Variants in DHRS12 observed in about 807,000 individuals in gnomAD.
DHRS12 encodes the protein dehydrogenase/reductase 12.
Under a neutral mutation model 32.1 loss-of-function variants are expected in DHRS12, and 29 were observed. That is an observed-to-expected ratio of 0.90 (90% confidence interval 0.67 to 1.23). The LOEUF is 1.23. Ranked by LOEUF, DHRS12 falls within the 50% of genes most tolerant of loss-of-function variation. The pLI is 0.00. For synonymous variants in DHRS12, 150 were observed against 135.9 expected, an observed-to-expected ratio of 1.10 and a Z score of -0.72; for missense variants, 330 against 337.2, an observed-to-expected ratio of 0.98 and a Z score of 0.17.
the DHRS12 span, chr13:51,759,963 G>A: frequency 3.7e-6 from 2 of 539,310 alleles, no homozygotes; most frequent in Non-Finnish European, 6.7e-6. Context: ...CTTCCAACTT[G>A]TTCATACAAT....
intron 4 of DHRS12, among the ~76,000 whole-genome samples, chr13:51,787,875 A>AT (rs1555270965): frequency 1.5e-5 from 2 of 131,580 alleles, no homozygotes; most frequent in African/African-American, 2.9e-5. Flanking sequence ...ATAAATATAT[A>AT]ATTATATATA....
chr13:51,770,738 G>T (rs972484255), intron 7 of DHRS12: 17 of 999,510 alleles, frequency 1.7e-5, no homozygotes, highest in Non-Finnish European at 1.9e-5. Context: ...TTTCTATAGG[G>T]GTGTGGTAGT....
rs1399721950 is a variant in DHRS12, at chr13:51,774,046, G to T, written c.364-12C>A. 1.9e-6 allele frequency: 3 copies of T among 1,611,406 alleles called. No individual in the cohort carries two copies. Among genetic ancestry groups the T allele is most frequent in the Non-Finnish European group, 2.5e-6 (3 of 1,177,712 alleles). ...GAGGAGACGGTTATCTGCAATAAAG[G>T]TAACAGAGATTTACAAACTAAAGCC... On this transcript the variant is annotated splice_polypyrimidine_tract_variant and intron_variant, in intron 5 of 8. Transcript: ENST00000444610.
the DHRS12 span, chr13:51,759,774 T>C: frequency 6.2e-7 from 1 of 1,613,762 alleles, no homozygotes; most frequent in South Asian, 1.1e-5. Flanking sequence ...TCTTGATGAC[T>C]CTCCCAGGAA....
intron 1 of DHRS12, among the ~76,000 whole-genome samples, chr13:51,799,985 C>T (rs1566311096): frequency 6.6e-6 from 1 of 152,214 alleles, no homozygotes; most frequent in Non-Finnish European, 1.5e-5. Context: ...AGATGAATTG[C>T]TCTTTTCCCT....
the DHRS12 span, chr13:51,759,908 A>G: frequency 6.6e-6 from 6 of 908,444 alleles, no homozygotes; most frequent in African/African-American, 1.7e-5. Context: ...CAGATTACCC[A>G]TGTGCACAGT....
chr13:51,796,983 G>A (rs145671880), intron 2 of DHRS12, among the ~76,000 whole-genome samples: 37 of 152,304 alleles, frequency 2.4e-4, no homozygotes, highest in African/African-American at 8.4e-4. Flanking sequence ...CAGGGTCCAT[G>A]CCTGAGGGTG....
At chr13:51,801,735 A>G (rs549804549) in intron 1 of DHRS12, among the ~76,000 whole-genome samples, 1 of 152,198 alleles carries the variant, frequency 6.6e-6, no homozygotes, top group Non-Finnish European at 1.5e-5. Context: ...ATTGTGGGGA[A>G]TGAGTGAGAA....
At chr13:51,757,919 G>A in the DHRS12 span, among the ~76,000 whole-genome samples, 1 of 151,900 alleles carries the variant, frequency 6.6e-6, no homozygotes, top group Admixed American at 6.6e-5. Flanking sequence ...AAAAGCTCGG[G>A]TGGAGATTAT....
chr13:51,804,138 C>T lies in DHRS12; in HGVS notation c.-93G>A. On this transcript the variant is annotated 5_prime_UTR_variant, in exon 1 of 9. Transcript: ENST00000444610. ...GGGAGCGCCCCACGCCTAGCCCCAC[C>T]GCGCTCCCGGCGCGGCCTCCGCCCT... is the stretch of plus-strand genomic sequence containing the variant. 1 of 1,451,342 alleles carries T rather than the reference C, an allele frequency of 6.9e-7. No homozygotes were observed. Among genetic ancestry groups the T allele is most frequent in the South Asian group, 1.3e-5 (1 of 75,758 alleles). 89.9% of individuals were successfully genotyped at this position (1,451,342 alleles called of 1,614,324 possible).
At chr13:51,758,119 A>G in the DHRS12 span, 9 of 1,235,530 alleles carry the variant, frequency 7.3e-6, no homozygotes, top group African/African-American at 8.8e-5. Flanking sequence ...TTTAGAGCCT[A>G]ATGTCATCCT....
rs1953833499 is a variant in DHRS12, at chr13:51,768,114, T to G, written c.*73A>C. 6.6e-7 allele frequency: 1 copy of G among 1,521,878 alleles called. No individual in the cohort carries two copies. Among genetic ancestry groups the G allele is most frequent in the Non-Finnish European group, 8.8e-7 (1 of 1,138,556 alleles). 94.3% of individuals were successfully genotyped at this position (1,521,878 alleles called of 1,614,324 possible). ...GGGAAGTTGAAGTGGGGTCTTCTTATTCACTGGTCCCTAGACCGCACCTTC... is the reference window on the plus strand; with the variant it reads ...GGGAAGTTGAAGTGGGGTCTTCTTAGTCACTGGTCCCTAGACCGCACCTTC... On this transcript the variant is annotated 3_prime_UTR_variant, in exon 9 of 9. Coordinates refer to ENST00000444610, the MANE Select transcript of DHRS12 (RefSeq NM_001377533.1).
chr13:51,766,666 T>C (rs1295109788), downstream of DHRS12: 1 of 152,272 alleles, frequency 6.6e-6, no homozygotes, highest in Non-Finnish European at 1.5e-5. Flanking sequence ...ATATTGTGAA[T>C]GTTTTTACTC....
Position 51,790,007 on chromosome 13 carries a change from T to G in DHRS12, c.301+4A>C, listed in dbSNP as rs1296342020. On this transcript the variant is annotated splice_donor_region_variant and intron_variant, in intron 4 of 8. Transcript: ENST00000444610. ...AAACAAATAAGAAAACTTCTTGTAC[T>G]TACCCAGAGTATTGGCAGCAAAGTT... 6.3e-7 allele frequency: 1 copy of G among 1,597,524 alleles called. No individual in the cohort carries two copies. The highest frequency in any genetic ancestry group is 8.5e-7 in the Non-Finnish European group (1 of 1,175,262).
chr13:51,775,982 A>G (rs1954345735), intron 5 of DHRS12: 1 of 121,486 alleles, frequency 8.2e-6, no homozygotes, highest in Non-Finnish European at 1.7e-5. Context: ...CTCCTACAGT[A>G]TTCTCCTACA....
intron 4 of DHRS12, among the ~76,000 whole-genome samples, chr13:51,781,236 A>G (rs1209445087): frequency 6.6e-6 from 1 of 152,232 alleles, no homozygotes; most frequent in Non-Finnish European, 1.5e-5. Context: ...ATGAGCTCTT[A>G]GAAGACATTC....
At chr13:51,803,989 G>C in intron 1 of DHRS12, 65 bp downstream of exon 1, 1 of 1,374,382 alleles carries the variant, frequency 7.3e-7, no homozygotes, top group South Asian at 1.5e-5. Flanking sequence ...CGCCAACCCT[G>C]CTCGCCCGCG....
At chr13:51,766,117 T>C (rs1953740657), downstream of DHRS12, 1 of 152,258 alleles carries the variant, frequency 6.6e-6, no homozygotes, top group African/African-American at 2.4e-5. Flanking sequence ...CACTATGAAG[T>C]ATGGCCAAAA....
intron 1 of DHRS12, chr13:51,803,788 GGGA>G (rs1955865214): frequency 1.6e-5 from 5 of 307,152 alleles, no homozygotes; most frequent in Non-Finnish European, 3.0e-5. Context: ...TGACGTCAGT[GGGA>G]CGGCCCTGGG....
Sources: gnomAD v4.1 joint callset for allele counts (sites outside exome capture counted in the v4.1 genomes callset) on GRCh38, gnomAD v4.1.1 for gene constraint, MANE v1.5 for transcripts, NCBI Gene and HGNC (gene_info 2026-07-23, HGNC 2026-07-21) for gene names.